METAP1D: variants seen among roughly 807,000 people sequenced by gnomAD.
METAP1D encodes methionine aminopeptidase 1D, mitochondrial.
In METAP1D, 31 loss-of-function variants were observed where a neutral mutation model predicts 40.5. The ratio of observed to expected loss-of-function variants is 0.77; its 90% CI spans 0.58 to 1.03. The LOEUF (loss-of-function observed/expected upper bound fraction) is 1.03. Ranked by LOEUF, METAP1D falls within the 50% of genes least tolerant of loss-of-function variation. METAP1D has a pLI of 0.00. For missense variants in METAP1D, 411 were observed against 420.7 expected, an observed-to-expected ratio of 0.98 and a Z score of 0.20; for synonymous variants, 151 against 146.4, an observed-to-expected ratio of 1.03 and a Z score of -0.22.
chr2:172,067,569 T>C (rs1490760531), intron 5 of METAP1D, among the ~76,000 whole-genome samples: 1 of 152,198 alleles, frequency 6.6e-6, no homozygotes, highest in East Asian at 1.9e-4. Context: ...GTTCTTTTCA[T>C]GAGACACTTT....
intron 1 of METAP1D, among the ~76,000 whole-genome samples, chr2:172,027,410 C>T (rs564347398): frequency 6.6e-6 from 1 of 152,194 alleles, no homozygotes; most frequent in African/African-American, 2.4e-5. Flanking sequence ...ATATTCAGTA[C>T]ACTGACATGC....
rs1321651154 is a variant in METAP1D, at chr2:172,077,844, G to A, written c.752G>A (p.Gly251Glu). The change falls in exon 7 of 10, where the codon GGA becomes GAA. Residue 251 changes from glycine (G) to glutamate (E), a missense_variant. Coordinates refer to ENST00000315796, the MANE Select transcript of METAP1D (RefSeq NM_199227.3). The stretch of plus-strand genomic sequence containing the variant: ...TTTCAAGTCTGTCCACATTTTGTGG[G>A]ACATGGAATAGGATCTTACTTTCAT... ...NGFQVCPHFV[G>E]HGIGSYFHGH... 2 of 1,612,166 alleles carry A rather than the reference G, an allele frequency of 1.2e-6. No individual in the cohort carries two copies. The highest frequency in any genetic ancestry group is 2.7e-5 in the African/African-American group (2 of 74,806).
chr2:172,000,070 G>T, intron 1 of METAP1D, 61 bp downstream of exon 1: 3 of 1,252,668 alleles, frequency 2.4e-6, no homozygotes, highest in Non-Finnish European at 3.0e-6. Flanking sequence ...GTACGCACCC[G>T]GGTCCAAAGG....
At chr2:172,023,453 C>T (rs1574098908) in intron 1 of METAP1D, among the ~76,000 whole-genome samples, 1 of 152,278 alleles carries the variant, frequency 6.6e-6, no homozygotes, top group East Asian at 1.9e-4. Context: ...CATCAGGCCA[C>T]ATATTTTTAT....
intron 1 of METAP1D, among the ~76,000 whole-genome samples, chr2:172,019,644 G>T (rs996894542): frequency 2.0e-4 from 30 of 152,226 alleles, no homozygotes; most frequent in African/African-American, 6.5e-4. Flanking sequence ...CAAGAGGCCA[G>T]GTGCAGCGGC....
chr2:172,041,726 T>TTATTTA (rs1553493428), intron 1 of METAP1D, among the ~76,000 whole-genome samples: 5 of 37,560 alleles, frequency 1.3e-4, no homozygotes, highest in African/African-American at 3.2e-4. Context: ...TCTAATTATT[T>TTATTTA]TATATATATA....
At chr2:172,013,825 T>C (rs1447506405) in intron 1 of METAP1D, among the ~76,000 whole-genome samples, 5 of 13,774 alleles carry the variant, frequency 3.6e-4, no homozygotes, top group Admixed American at 1.7e-3. Flanking sequence ...TTTTTTTTCT[T>C]TTTTTTTTTT....
chr2:172,080,294 G>C, intron 9 of METAP1D, 34 bp from the exon 10 acceptor site: 1 of 1,614,152 alleles, frequency 6.2e-7, no homozygotes. Flanking sequence ...CGGAGCTTGC[G>C]TGCGCGTTCT....
At chr2:172,079,138 C>A (rs971522233) in intron 7 of METAP1D, 77 bp from the exon 8 acceptor site, 4 of 1,458,674 alleles carry the variant, frequency 2.7e-6, no homozygotes, top group East Asian at 2.3e-5. Context: ...TTTAAAGGGG[C>A]CTGACCCCTG....
At chr2:172,035,251 G>T (rs1199751370) in intron 1 of METAP1D, among the ~76,000 whole-genome samples, 1 of 151,516 alleles carries the variant, frequency 6.6e-6, no homozygotes, top group East Asian at 2.0e-4. Flanking sequence ...TGCAAGCTCC[G>T]CCTCCCGGGT....
intron 5 of METAP1D, among the ~76,000 whole-genome samples, chr2:172,067,555 C>T (rs705870): frequency 0.33 from 49,858 of 152,012 alleles, 8,414 homozygotes; most frequent in East Asian, 0.58. Flanking sequence ...ATACCTAAAA[C>T]AGAGTTCTTT....
chr2:172,079,063 A>G, intron 7 of METAP1D, 152 bp from the exon 8 acceptor site: 1 of 726,850 alleles, frequency 1.4e-6, no homozygotes, highest in Non-Finnish European at 2.3e-6. Flanking sequence ...CCTGGTCACT[A>G]TCCAGGACTC....
chr2:172,064,897 TTTTA>T (rs1283782479), intron 3 of METAP1D, among the ~76,000 whole-genome samples: 1 of 152,222 alleles, frequency 6.6e-6, no homozygotes, highest in Non-Finnish European at 1.5e-5. Context: ...TGTTTTAGAA[TTTTA>T]TTTATGTTTA....
At chr2:172,028,672 A>G (rs1319875027) in intron 1 of METAP1D, among the ~76,000 whole-genome samples, 2 of 151,962 alleles carry the variant, frequency 1.3e-5, no homozygotes, top group Non-Finnish European at 2.9e-5. Context: ...GTCATCTCTG[A>G]AAGGAAGACT....
chr2:172,049,567 T>C (rs757142933), intron 1 of METAP1D, among the ~76,000 whole-genome samples: 2 of 152,102 alleles, frequency 1.3e-5, no homozygotes, highest in Non-Finnish European at 2.9e-5. Flanking sequence ...GAGTGAGTAT[T>C]CATATGGTCA....
intron 1 of METAP1D, among the ~76,000 whole-genome samples, chr2:172,026,530 A>G (rs1220254712): frequency 6.6e-6 from 1 of 152,114 alleles, no homozygotes; most frequent in Non-Finnish European, 1.5e-5. Context: ...CCCCTTCATC[A>G]TGGAGTTTTT....
chr2:172,060,607 A>G (rs973722044), intron 1 of METAP1D, among the ~76,000 whole-genome samples: 1 of 152,114 alleles, frequency 6.6e-6, no homozygotes, highest in East Asian at 1.9e-4. Flanking sequence ...CTTTTTTCCT[A>G]ACAGTGTATT....
chr2:172,032,452 A>C (rs1467345520), intron 1 of METAP1D, among the ~76,000 whole-genome samples: 1 of 152,166 alleles, frequency 6.6e-6, no homozygotes, highest in Non-Finnish European at 1.5e-5. Flanking sequence ...AGGAACACTG[A>C]ATTTGTTGTT....
chr2:172,027,944 AG>A (rs1689155166), intron 1 of METAP1D, among the ~76,000 whole-genome samples: 1 of 152,170 alleles, frequency 6.6e-6, no homozygotes, highest in African/African-American at 2.4e-5. Flanking sequence ...AAAGAAAGGG[AG>A]GGCCAGATCC....
Sources: allele counts gnomAD v4.1 joint callset (sites outside exome capture counted in the v4.1 genomes callset), GRCh38; gene constraint gnomAD v4.1.1; transcripts MANE v1.5; gene names NCBI Gene and HGNC (gene_info 2026-07-23, HGNC 2026-07-21).